The following EFNA5 variants were observed in gnomAD, a reference collection of about 807,000 sequenced individuals.
The protein encoded by EFNA5 is ephrin A5, also known as ephrin-A5.
In EFNA5, 5 loss-of-function variants were observed where a neutral mutation model predicts 22.9. The observed-to-expected ratio is 0.22, with a 90% CI of 0.11 to 0.46. The LOEUF is 0.46. Ranked by LOEUF, EFNA5 falls within the 20% of genes least tolerant of loss-of-function variation. The pLI, the probability that EFNA5 is intolerant of heterozygous loss-of-function variation, is 0.99. For missense variants in EFNA5, 237 were observed against 293.3 expected (o/e 0.81, Z 1.40); for synonymous variants, 113 against 112.2 (o/e 1.01, Z -0.04).
At chr5:107,459,803 G>A (rs1749788052) in intron 1 of EFNA5, among the ~76,000 whole-genome samples, 2 of 152,082 alleles carry the variant, frequency 1.3e-5, no homozygotes, top group African/African-American at 4.8e-5. Context: ...AGCACCACCT[G>A]GAATCTCATA....
At chr5:107,434,798 A>C (rs935591221) in intron 1 of EFNA5, among the ~76,000 whole-genome samples, 2 of 152,238 alleles carry the variant, frequency 1.3e-5, no homozygotes, top group Non-Finnish European at 2.9e-5. Flanking sequence ...GTTATTTCTC[A>C]TGAACTGGAT....
At chr5:107,490,909 T>C (rs866891649) in intron 1 of EFNA5, among the ~76,000 whole-genome samples, 3 of 152,330 alleles carry the variant, frequency 2.0e-5, no homozygotes, top group Middle Eastern at 6.8e-3. Flanking sequence ...TCCTGCTCAT[T>C]ATATATTTAA....
intron 1 of EFNA5, among the ~76,000 whole-genome samples, chr5:107,544,931 C>T (rs1293950249): frequency 5.3e-5 from 8 of 152,176 alleles, no homozygotes; most frequent in African/African-American, 1.9e-4. Context: ...TCTTTAACTC[C>T]CACAATGTCT....
At position 107,377,697 on chromosome 5, in the gene EFNA5, G is replaced by A. The variant is rs902845575; in HGVS notation, c.*3558C>T. The A allele has an allele frequency of 6.6e-6, 1 of 152,130 alleles. No individual in the cohort carries two copies. The highest frequency in any genetic ancestry group is 2.1e-4 in the South Asian group (1 of 4,812). 9.4% of individuals were successfully genotyped at this position (152,130 alleles called of 1,614,324 possible). A position where few individuals can be genotyped will look rare whatever the true frequency, so the allele number is the denominator to read the frequency against. On this transcript the variant is annotated 3_prime_UTR_variant, in exon 5 of 5. Coordinates refer to ENST00000333274, the MANE Select transcript of EFNA5 (RefSeq NM_001962.3). ...CTGATTGGTTTGCAACCATTTCCAT[G>A]AGTGAGCTGCACATGATATTGATAA...
chr5:107,480,229 A>G (rs961763566), intron 1 of EFNA5, among the ~76,000 whole-genome samples: 4 of 152,208 alleles, frequency 2.6e-5, no homozygotes, highest in African/African-American at 9.7e-5. Context: ...ATATACTAAT[A>G]CTCACATTCA....
At position 107,493,882 on chromosome 5, in the gene EFNA5, G is replaced by T. The variant is rs915929032; in HGVS notation, c.126-66373C>A. On this transcript the variant is annotated intron_variant, in intron 1 of 4. Transcript: ENST00000333274. ...TTATTACCCACATGTCACAGATGAGGAAACAGGCACAGGCACTTACCCAAG... is the reference window on the plus strand; with the variant it reads ...TTATTACCCACATGTCACAGATGAGTAAACAGGCACAGGCACTTACCCAAG... 1.7e-4 allele frequency among the ~76,000 whole-genome samples: 26 copies of T among 152,322 alleles called. No homozygotes were observed. The South Asian group carries it at 5.2e-3, about 30-fold the overall frequency.
chr5:107,461,494 A>G (rs866778909), intron 1 of EFNA5, among the ~76,000 whole-genome samples: 3 of 151,296 alleles, frequency 2.0e-5, no homozygotes, highest in Non-Finnish European at 2.9e-5. Context: ...AGAGGGGGGA[A>G]AAAAAGACCT....
intron 1 of EFNA5, among the ~76,000 whole-genome samples, chr5:107,463,078 TAG>T (rs1266238036): frequency 6.6e-6 from 1 of 152,118 alleles, no homozygotes; most frequent in African/African-American, 2.4e-5. Flanking sequence ...TGAGATTAGA[TAG>T]AGAGGCAAGG....
intron 1 of EFNA5, among the ~76,000 whole-genome samples, chr5:107,645,217 T>C (rs908458920): frequency 1.3e-5 from 2 of 152,166 alleles, no homozygotes; most frequent in African/African-American, 2.4e-5. Flanking sequence ...AGAAAATATA[T>C]ATCTATTATG....
chr5:107,600,030 T>C (rs2112511400), intron 1 of EFNA5, among the ~76,000 whole-genome samples: 1 of 152,288 alleles, frequency 6.6e-6, no homozygotes, highest in African/African-American at 2.4e-5. Flanking sequence ...AAATGAAAAT[T>C]ACAACAAAAC....
intron 1 of EFNA5, among the ~76,000 whole-genome samples, chr5:107,428,788 A>T (rs1748872014): frequency 6.6e-6 from 1 of 152,168 alleles, no homozygotes; most frequent in African/African-American, 2.4e-5. Flanking sequence ...ACATCTCTAG[A>T]TGTTGGAAAG....
intron 1 of EFNA5, among the ~76,000 whole-genome samples, chr5:107,473,081 G>A (rs974657137): frequency 3.3e-5 from 5 of 151,974 alleles, no homozygotes; most frequent in Non-Finnish European, 5.9e-5. Context: ...CCCAGCCACC[G>A]TTTTTCTGCA....
intron 1 of EFNA5, among the ~76,000 whole-genome samples, chr5:107,548,493 T>C (rs1748218713): frequency 6.6e-6 from 1 of 152,202 alleles, no homozygotes; most frequent in Admixed American, 6.5e-5. Flanking sequence ...CAGATAGTTT[T>C]TTTGCAAGGT....
At chr5:107,444,734 G>C (rs1011087043) in intron 1 of EFNA5, among the ~76,000 whole-genome samples, 9 of 152,142 alleles carry the variant, frequency 5.9e-5, no homozygotes, top group African/African-American at 2.2e-4. Flanking sequence ...ATCCATTTGT[G>C]TAAGTCAAAC....
intron 1 of EFNA5, among the ~76,000 whole-genome samples, chr5:107,503,957 C>A (rs1747196023): frequency 6.6e-6 from 1 of 152,154 alleles, no homozygotes; most frequent in Non-Finnish European, 1.5e-5. Context: ...GAATTAGCTA[C>A]CTTTAAACTA....
chr5:107,412,637 C>G (rs1248163062), intron 2 of EFNA5, among the ~76,000 whole-genome samples: 2 of 152,124 alleles, frequency 1.3e-5, no homozygotes, highest in South Asian at 2.1e-4. Flanking sequence ...AACAGACAGG[C>G]AATTTTCTAG....
At chr5:107,611,129 G>A (rs1295482984) in intron 1 of EFNA5, among the ~76,000 whole-genome samples, 1 of 151,986 alleles carries the variant, frequency 6.6e-6, no homozygotes, top group Non-Finnish European at 1.5e-5. Flanking sequence ...GAACTGCCTG[G>A]AAGAACTCTG....
At chr5:107,564,196 T>C (rs1191374683) in intron 1 of EFNA5, among the ~76,000 whole-genome samples, 1 of 152,200 alleles carries the variant, frequency 6.6e-6, no homozygotes, top group African/African-American at 2.4e-5. Flanking sequence ...TACCCAAGTG[T>C]CCAGCATAAA....
At chr5:107,589,152 G>C (rs1038599374) in intron 1 of EFNA5, among the ~76,000 whole-genome samples, 6 of 152,218 alleles carry the variant, frequency 3.9e-5, no homozygotes, top group Non-Finnish European at 7.3e-5. Context: ...AAATTATGGA[G>C]ATGGACATGG....
Sources: gnomAD v4.1 joint callset for allele counts (sites outside exome capture counted in the v4.1 genomes callset) on GRCh38, gnomAD v4.1.1 for gene constraint, MANE v1.5 for transcripts, NCBI Gene and HGNC (gene_info 2026-07-23, HGNC 2026-07-21) for gene names.